The following FCHO2 variants were observed in gnomAD, a reference collection of about 807,000 sequenced individuals.
FCHO2 encodes the protein F-BAR domain only protein 2.
FCHO2 carries 43 observed loss-of-function variants against 114.1 expected under a neutral mutation model. The observed-to-expected ratio is 0.38, with a 90% confidence interval of 0.30 to 0.49. FCHO2 has a LOEUF of 0.49. Ranked by LOEUF, FCHO2 falls within the 20% of genes least tolerant of loss-of-function variation. The pLI, the probability that FCHO2 is intolerant of heterozygous loss-of-function variation, is 0.97. For missense variants in FCHO2, 807 were observed against 950.4 expected (o/e 0.85, Z 1.98); for synonymous variants, 293 against 315.2 (o/e 0.93, Z 0.75).
At chr5:72,975,545 C>T (rs1042409451) in intron 2 of FCHO2, among the ~76,000 whole-genome samples, 7 of 152,068 alleles carry the variant, frequency 4.6e-5, no homozygotes, top group Non-Finnish European at 1.0e-4. Context: ...TGTTACCCAG[C>T]CCAGGCTGGA....
intron 24 of FCHO2, among the ~76,000 whole-genome samples, chr5:73,086,719 C>T (rs938465434): frequency 6.6e-6 from 1 of 152,112 alleles, no homozygotes; most frequent in Non-Finnish European, 1.5e-5. Context: ...ATGTTCTTGT[C>T]TTCCTTATCT....
chr5:72,972,016 T>C (rs1247874268), intron 2 of FCHO2, among the ~76,000 whole-genome samples: 2 of 151,742 alleles, frequency 1.3e-5, no homozygotes, highest in Non-Finnish European at 2.9e-5. Flanking sequence ...GTTGTAGATA[T>C]GTGGCATTAT....
chr5:73,001,212 C>T (rs539680504), intron 5 of FCHO2, among the ~76,000 whole-genome samples: 29 of 152,058 alleles, frequency 1.9e-4, no homozygotes, highest in Admixed American at 5.2e-4. Flanking sequence ...GCCTGGGCAA[C>T]GTAGGGAGAC....
chr5:73,027,615 G>A (rs1452366646), intron 8 of FCHO2, among the ~76,000 whole-genome samples: 1 of 151,824 alleles, frequency 6.6e-6, no homozygotes, highest in Non-Finnish European at 1.5e-5. Flanking sequence ...ACTTGAGCAA[G>A]TAATAAGTAA....
At chr5:73,038,588 A>C (rs1159344995) in intron 10 of FCHO2, among the ~76,000 whole-genome samples, 1 of 152,202 alleles carries the variant, frequency 6.6e-6, no homozygotes, top group Admixed American at 6.5e-5. Flanking sequence ...ACATAAGAGA[A>C]CAGTTTGTGC....
At chr5:72,979,378 C>CTT (rs60234739) in intron 2 of FCHO2, among the ~76,000 whole-genome samples, 2,530 of 49,838 alleles carry the variant, frequency 0.051, 732 homozygotes, top group East Asian at 0.1. Context: ...TTATCAATTT[C>CTT]TTTTTTTTTT....
At chr5:73,041,400 C>T in intron 11 of FCHO2, 85 bp downstream of exon 11, 1 of 787,146 alleles carries the variant, frequency 1.3e-6, no homozygotes, top group Non-Finnish European at 2.0e-6. Context: ...TGAGTTGTTA[C>T]CAGTCTTTCA....
At chr5:72,975,598 A>G (rs1012376860) in intron 2 of FCHO2, among the ~76,000 whole-genome samples, 6 of 151,920 alleles carry the variant, frequency 3.9e-5, no homozygotes, top group African/African-American at 1.5e-4. Flanking sequence ...TCCCTGTCCT[A>G]AGTTCAAGCA....
At chr5:73,068,913 AT>A in intron 19 of FCHO2, 134 bp downstream of exon 19, 1 of 1,015,644 alleles carries the variant, frequency 9.8e-7, no homozygotes, top group Non-Finnish European at 1.4e-6. Flanking sequence ...CACACCTGGA[AT>A]TTATTAAACT....
intron 13 of FCHO2, 141 bp from the exon 14 acceptor site, chr5:73,054,019 T>G: frequency 2.1e-6 from 1 of 473,490 alleles, no homozygotes; most frequent in Non-Finnish European, 3.5e-6. Context: ...TTTGCTTAAC[T>G]TTTTCCCACC....
chr5:72,997,124 C>G, intron 5 of FCHO2: 1 of 1,134,156 alleles, frequency 8.8e-7, no homozygotes, highest in South Asian at 1.2e-5. Context: ...GGATGAGATA[C>G]TTATTCACTC....
intron 8 of FCHO2, among the ~76,000 whole-genome samples, chr5:73,027,338 T>C (rs926545640): frequency 2.0e-5 from 3 of 151,716 alleles, no homozygotes; most frequent in African/African-American, 7.2e-5. Context: ...TATATACATA[T>C]AGTGACTATT....
intron 24 of FCHO2, among the ~76,000 whole-genome samples, chr5:73,086,031 A>G (rs1355240677): frequency 3.9e-5 from 6 of 151,952 alleles, no homozygotes; most frequent in African/African-American, 1.4e-4. Flanking sequence ...CTGAGGCAGG[A>G]GAATCGCTTG....
At chr5:73,012,640 T>C (rs1359851973) in intron 6 of FCHO2, among the ~76,000 whole-genome samples, 1 of 147,344 alleles carries the variant, frequency 6.8e-6, no homozygotes, top group Non-Finnish European at 1.5e-5. Context: ...AAAAAAAAAT[T>C]AATGTAACAA....
At chr5:72,996,375 G>A (rs1754100858) in intron 5 of FCHO2, among the ~76,000 whole-genome samples, 1 of 152,018 alleles carries the variant, frequency 6.6e-6, no homozygotes, top group Admixed American at 6.6e-5. Context: ...ATGGATTCAT[G>A]TTAAAAAAGA....
At chr5:73,035,737 A>G (rs1023469190) in intron 9 of FCHO2, among the ~76,000 whole-genome samples, 1 of 152,020 alleles carries the variant, frequency 6.6e-6, no homozygotes, top group Non-Finnish European at 1.5e-5. Context: ...TCCTGAGCTC[A>G]AGTGATCCAT....
chr5:72,982,762 A>C (rs372084650), intron 2 of FCHO2, among the ~76,000 whole-genome samples: 39 of 148,582 alleles, frequency 2.6e-4, no homozygotes, highest in African/African-American at 9.4e-4. Context: ...TATGTTTTAC[A>C]TTTAGGTCTG....
At chr5:73,011,526 T>G (rs375428972) in intron 6 of FCHO2, among the ~76,000 whole-genome samples, 131 of 152,300 alleles carry the variant, frequency 8.6e-4, no homozygotes, top group African/African-American at 2.8e-3. Context: ...AGTAAACATG[T>G]GCCTACATAG....
At chr5:72,992,333 C>G (rs1451541062) in intron 5 of FCHO2, among the ~76,000 whole-genome samples, 3 of 152,028 alleles carry the variant, frequency 2.0e-5, no homozygotes, top group Non-Finnish European at 2.9e-5. Flanking sequence ...TTTGAAAACA[C>G]CCTCTGCTTC....
Sources: gnomAD v4.1 joint callset for allele counts (sites outside exome capture counted in the v4.1 genomes callset) on GRCh38, gnomAD v4.1.1 for gene constraint, MANE v1.5 for transcripts, NCBI Gene and HGNC (gene_info 2026-07-23, HGNC 2026-07-21) for gene names.